PACSIN2: variants seen among roughly 807,000 people sequenced by gnomAD.
PACSIN2 encodes the protein protein kinase C and casein kinase substrate in neurons 2.
A neutral mutation model predicts 63.8 loss-of-function variants in PACSIN2; 25 were observed. The ratio of observed to expected loss-of-function variants is 0.39; its 90% CI spans 0.29 to 0.55. The LOEUF is 0.55. Among genes scored for constraint, PACSIN2 ranks in the 20% least tolerant of loss-of-function variants. The probability of loss-of-function intolerance (pLI) is 0.62; values close to 1 mark genes in which losing one functional copy is unlikely to be tolerated. For missense variants in PACSIN2, 518 were observed against 646.9 expected (o/e 0.80, Z 2.16); for synonymous variants, 255 against 256.2 (o/e 1.00, Z 0.05).
chr22:42,978,808 C>A (rs1921876877), intron 1 of PACSIN2, among the ~76,000 whole-genome samples: 1 of 152,164 alleles, frequency 6.6e-6, no homozygotes, highest in Admixed American at 6.5e-5. Context: ...AAGGCTGGTC[C>A]CTGCCCCTTA....
At chr22:42,924,586 A>G (rs886906596) in intron 1 of PACSIN2, among the ~76,000 whole-genome samples, 7 of 151,710 alleles carry the variant, frequency 4.6e-5, no homozygotes, top group Admixed American at 2.6e-4. Flanking sequence ...TTGTCCTCAG[A>G]CCCTGCTCTC....
chr22:42,963,089 C>T (rs1049499300), intron 1 of PACSIN2, among the ~76,000 whole-genome samples: 1 of 152,184 alleles, frequency 6.6e-6, no homozygotes, highest in African/African-American at 2.4e-5. Context: ...AATTCCAGTT[C>T]TGATCTGGCT....
At chr22:42,955,869 G>C (rs1266880660) in intron 1 of PACSIN2, among the ~76,000 whole-genome samples, 1 of 152,172 alleles carries the variant, frequency 6.6e-6, no homozygotes, top group Non-Finnish European at 1.5e-5. Context: ...TTCTTCATGT[G>C]TCAGTTCATA....
chr22:42,994,922 CA>C (rs1923297421), intron 1 of PACSIN2, among the ~76,000 whole-genome samples: 1 of 152,218 alleles, frequency 6.6e-6, no homozygotes, highest in Non-Finnish European at 1.5e-5. Flanking sequence ...CATCCCACCC[CA>C]AGCCCCAGTC....
chr22:42,871,530 G>T lies in PACSIN2; in HGVS notation c.1349-61C>A. ...TATGACACCGACGGTGGGCTACAGA[G>T]CCGCATTCACGAGCTTTGAGCCCAC... On this transcript the variant is annotated intron_variant, in intron 10 of 10. Transcript: ENST00000263246. The surrounding 1 kb of genome is among the most constrained non-coding windows in gnomAD (Gnocchi z 5.4). 7.6e-7 allele frequency: 1 copy of T among 1,318,480 alleles called. No homozygotes were observed. The highest frequency in any genetic ancestry group is 1.1e-6 in the Non-Finnish European group (1 of 910,754). 81.7% of individuals were successfully genotyped at this position (1,318,480 alleles called of 1,614,324 possible).
chr22:42,952,388 T>C (rs1053953462), intron 1 of PACSIN2, among the ~76,000 whole-genome samples: 21 of 152,032 alleles, frequency 1.4e-4, no homozygotes, highest in African/African-American at 4.8e-4. Context: ...CAGAGTCTCA[T>C]TCTGTCACCC....
chr22:42,999,056 C>T (rs543083114), intron 1 of PACSIN2, among the ~76,000 whole-genome samples: 4 of 152,320 alleles, frequency 2.6e-5, no homozygotes, highest in South Asian at 2.1e-4. Context: ...TCTTCCTGGA[C>T]GCCAGATAAT....
chr22:42,871,089 T>A lies in PACSIN2; in HGVS notation c.*268A>T, dbSNP rs1928072865. 2.0e-6 allele frequency: 1 copy of A among 507,418 alleles called. No homozygotes were observed. The highest frequency in any genetic ancestry group is 1.9e-5 in the African/African-American group (1 of 51,976). 31.4% of individuals were successfully genotyped at this position (507,418 alleles called of 1,614,324 possible). On this transcript the variant is annotated 3_prime_UTR_variant, in exon 11 of 11. Transcript: ENST00000263246. The surrounding 1 kb of genome is among the most constrained non-coding windows in gnomAD (Gnocchi z 5.4). The stretch of plus-strand genomic sequence containing the variant: ...AGAGACAAAGTCAAGAACATAGAGA[T>A]CTATGATAGGCCAACAGGCACAGTG...
chr22:42,983,532 T>C (rs1350873669), intron 1 of PACSIN2, among the ~76,000 whole-genome samples: 3 of 148,700 alleles, frequency 2.0e-5, no homozygotes, highest in Non-Finnish European at 4.4e-5. Context: ...CAATAAATTA[T>C]TGGTGTGGCA....
chr22:42,981,365 C>T (rs1162607023), intron 1 of PACSIN2, among the ~76,000 whole-genome samples: 1 of 145,242 alleles, frequency 6.9e-6, no homozygotes, highest in Non-Finnish European at 1.5e-5. Context: ...GGGGGGTCAG[C>T]CCCCCGCCCG....
intron 10 of PACSIN2, among the ~76,000 whole-genome samples, chr22:42,873,932 G>A (rs574191121): frequency 6.6e-6 from 1 of 152,014 alleles, no homozygotes; most frequent in Non-Finnish European, 1.5e-5. Context: ...GGGATTACAG[G>A]TGTGTGCCAC....
chr22:42,979,523 C>CAAAAAAAAAAAAAAAAAAAAGAAAAA (rs1921930412), intron 1 of PACSIN2, among the ~76,000 whole-genome samples: 1 of 61,644 alleles, frequency 1.6e-5, no homozygotes, highest in East Asian at 4.1e-4. Flanking sequence ...GACTCCCTCT[C>CAAAAAAAAAAAAAAAAAAAAGAAAAA]AAAAAAAAAA....
At chr22:42,962,309 C>T (rs1934164322) in intron 1 of PACSIN2, among the ~76,000 whole-genome samples, 1 of 152,070 alleles carries the variant, frequency 6.6e-6, no homozygotes, top group Non-Finnish European at 1.5e-5. Flanking sequence ...ATTTACACAG[C>T]ACTTACTTTA....
chr22:42,975,102 G>A (rs1488519831), intron 1 of PACSIN2, among the ~76,000 whole-genome samples: 2 of 152,120 alleles, frequency 1.3e-5, no homozygotes, highest in Non-Finnish European at 2.9e-5. Flanking sequence ...TTTTGGTCTT[G>A]TTCTGACACT....
chr22:43,014,912 G>C (rs1308101157), intron 1 of PACSIN2, 109 bp downstream of exon 1: 1 of 149,566 alleles, frequency 6.7e-6, no homozygotes, highest in Non-Finnish European at 1.5e-5. Flanking sequence ...CGCGGAGCTC[G>C]GCGCGGCGGC....
intron 1 of PACSIN2, among the ~76,000 whole-genome samples, chr22:43,001,233 A>G (rs541256043): frequency 6.6e-6 from 1 of 152,356 alleles, no homozygotes; most frequent in Admixed American, 6.5e-5. Flanking sequence ...AGCTAAGAGC[A>G]TATGGTTCTG....
At chr22:42,975,752 G>C (rs1326280558) in intron 1 of PACSIN2, among the ~76,000 whole-genome samples, 2 of 151,640 alleles carry the variant, frequency 1.3e-5, no homozygotes, top group Admixed American at 6.6e-5. Context: ...GTGGTGCACA[G>C]TGGTTTAGTT....
chr22:42,885,241 T>C (rs1165311240), intron 5 of PACSIN2, among the ~76,000 whole-genome samples: 2 of 152,134 alleles, frequency 1.3e-5, no homozygotes, highest in Non-Finnish European at 2.9e-5. Context: ...GGCACATTCA[T>C]CTGGTGGGGA....
In PACSIN2 at chr22:42,884,581, C is replaced by G. The variant is rs1182102697; in HGVS notation, c.610-20G>C. On this transcript the variant is annotated intron_variant, in intron 5 of 10. Transcript: ENST00000263246. The stretch of plus-strand genomic sequence containing the variant: ...TTTGGTCTAAAGGAAAATCCAGGCA[C>G]AAGACAGAGGTTCATTTCCATTTAG... The G allele has an allele frequency of 6.2e-7, 1 of 1,608,204 alleles. No homozygotes were observed. The highest frequency in any genetic ancestry group is 8.5e-7 in the Non-Finnish European group (1 of 1,175,980).
Sources: allele counts gnomAD v4.1 joint callset (sites outside exome capture counted in the v4.1 genomes callset), GRCh38; gene constraint gnomAD v4.1.1; non-coding constraint Gnocchi (gnomAD v3.1); transcripts MANE v1.5; gene names NCBI Gene and HGNC (gene_info 2026-07-23, HGNC 2026-07-21).